The following LOXHD1 variants were observed in gnomAD, a reference collection of about 807,000 sequenced individuals.
LOXHD1 encodes lipoxygenase homology PLAT domains 1.
LOXHD1 carries 205 observed loss-of-function variants against 248.2 expected under a neutral mutation model. The observed-to-expected ratio is 0.83, with a 90% CI of 0.74 to 0.93. LOXHD1 has a LOEUF of 0.93. LOXHD1 is among the 40% of genes least tolerant of loss of function. The probability of loss-of-function intolerance (pLI) is 0.00; values close to 1 mark genes in which losing one functional copy is unlikely to be tolerated. For synonymous variants in LOXHD1, 1,113 were observed against 1,162.8 expected (o/e 0.96, Z 0.87); for missense variants, 2,930 against 2,971.6 (o/e 0.99, Z 0.33).
rs1229518773 is a variant in LOXHD1, at chr18:46,557,452, GC to G, written c.3253del (p.Ala1085ProfsTer2). The G allele has an allele frequency of 6.4e-7, 1 of 1,551,882 alleles. No individual in the cohort carries two copies. The highest frequency in any genetic ancestry group is 1.4e-5 in the African/African-American group (1 of 73,022). On this transcript the variant is annotated frameshift_variant, in exon 21 of 41. Coordinates refer to ENST00000642948, the MANE Select transcript of LOXHD1 (RefSeq NM_001384474.1). LOFTEE classifies it high-confidence loss of function. The stretch of plus-strand genomic sequence containing the variant: ...GTGGCGAATCCGAATCTTGGTCAGG[GC>G]CCCCAGGTCAATGGCATAGATGGTG... ...TFTIYAIDLG[A>X]LTKIRIRHDN...
intron 39 of LOXHD1, among the ~76,000 whole-genome samples, chr18:46,484,074 CAA>C (rs899884407): frequency 4.6e-5 from 7 of 152,020 alleles, no homozygotes; most frequent in African/African-American, 1.7e-4. Context: ...CATGTCTTAG[CAA>C]AGTCATAGGT....
At chr18:46,489,720 G>A (rs1396772792) in intron 37 of LOXHD1, among the ~76,000 whole-genome samples, 2 of 152,210 alleles carry the variant, frequency 1.3e-5, no homozygotes. Flanking sequence ...GCCACACACT[G>A]TCCACCTTGT....
chr18:46,647,518 G>T (rs529314176), intron 2 of LOXHD1, among the ~76,000 whole-genome samples: 1 of 152,210 alleles, frequency 6.6e-6, no homozygotes, highest in Non-Finnish European at 1.5e-5. Context: ...AGTGTTTGAG[G>T]CTTCTCCCTA....
In LOXHD1 at chr18:46,656,938, C is replaced by T. The variant is rs562474123; in HGVS notation, c.96G>A (p.Glu32=). The change falls in exon 1 of 41, where the codon GAG becomes GAA. Residue 32 remains glutamate (E), a synonymous_variant. Coordinates refer to ENST00000642948, the MANE Select transcript of LOXHD1 (RefSeq NM_001384474.1). ...TGTAGTACTCGTGTTCCAGCTCCCC[C>T]TCGTCGTCCTCCGAGGCGTAGTTCA... The part of the protein sequence containing the change: ...ELLNYASEDD[E]GELEHEYYKA... 3.2e-6 allele frequency: 5 copies of T among 1,551,630 alleles called. No homozygotes were observed. The African/African-American group carries it at 6.8e-5, about 21-fold the overall frequency.
chr18:46,639,472 T>C, intron 4 of LOXHD1, 144 bp downstream of exon 4: 1 of 980,286 alleles, frequency 1.0e-6, no homozygotes, highest in South Asian at 1.8e-5. Context: ...GGGCTTCCCC[T>C]TGGCCCTAAC....
At chr18:46,509,371 T>TG (rs939887469) in intron 35 of LOXHD1, among the ~76,000 whole-genome samples, 8 of 152,150 alleles carry the variant, frequency 5.3e-5, no homozygotes, top group African/African-American at 1.9e-4. Flanking sequence ...CCCCAGGCCT[T>TG]GCTCCTCCTC....
At chr18:46,621,053 G>A (rs1027438238) in intron 4 of LOXHD1, among the ~76,000 whole-genome samples, 3 of 152,154 alleles carry the variant, frequency 2.0e-5, no homozygotes, top group African/African-American at 7.2e-5. Flanking sequence ...GTGGACAAGG[G>A]ACCCAAGCCA....
chr18:46,555,483 G>A lies in LOXHD1; in HGVS notation c.3350+1873C>T, dbSNP rs546843339. 5.7e-5 allele frequency: 12 copies of A among 212,158 alleles called. No individual in the cohort carries two copies. In the East Asian group the frequency reaches 1.1e-3, roughly 20 times the overall value. The allele number at this position is 212,158 out of a possible 1,614,324, so 13.1% of individuals were successfully genotyped here. A position where few individuals can be genotyped will look rare whatever the true frequency, so the allele number is the denominator to read the frequency against. On this transcript the variant is annotated intron_variant, in intron 21 of 40. Transcript: ENST00000642948. ...GTTCAGTGTTCCCTCGGGCTGGTAG[G>A]GGAGGGTGGGGTGGGAGATGGGAGA...
intron 12 of LOXHD1, among the ~76,000 whole-genome samples, chr18:46,584,187 T>A (rs1253254778): frequency 6.6e-6 from 1 of 151,876 alleles, no homozygotes; most frequent in Non-Finnish European, 1.5e-5. Flanking sequence ...GGCAGGGAAT[T>A]GAATAATATT....
Position 46,524,446 on chromosome 18 carries a change from G to A in LOXHD1, c.4876+20C>T. ...TCCATGTGCCTGGCCCCCGTCCAAA[G>A]AGCTCCCTGGTTGGCTTACTTGGGC... On this transcript the variant is annotated intron_variant, in intron 31 of 40. Coordinates refer to ENST00000642948, the MANE Select transcript of LOXHD1 (RefSeq NM_001384474.1). 1 of 1,543,690 alleles carries A rather than the reference G, an allele frequency of 6.5e-7. No homozygotes were observed. Among genetic ancestry groups the A allele is most frequent in the Non-Finnish European group, 8.8e-7 (1 of 1,140,278 alleles).
At position 46,571,515 on chromosome 18, in the gene LOXHD1, G is replaced by A. The variant is rs548323195; in HGVS notation, c.2047+571C>T. Among the ~76,000 whole-genome samples the A allele has an allele frequency of 5.9e-5, 9 of 152,224 alleles. No individual in the cohort carries two copies. The East Asian group carries it at 1.5e-3, about 26-fold the overall frequency. On this transcript the variant is annotated intron_variant, in intron 15 of 40. Coordinates refer to ENST00000642948, the MANE Select transcript of LOXHD1 (RefSeq NM_001384474.1). ...AAATAAAAATATCTTCAGCTCTTCCGGTTCTAAGTTTCTCCATCTGACCCA... is the reference window on the plus strand; with the variant it reads ...AAATAAAAATATCTTCAGCTCTTCCAGTTCTAAGTTTCTCCATCTGACCCA...
At chr18:46,576,460 G>C (rs764301837) in intron 14 of LOXHD1, among the ~76,000 whole-genome samples, 2 of 151,894 alleles carry the variant, frequency 1.3e-5, no homozygotes, top group Non-Finnish European at 2.9e-5. Flanking sequence ...TCAGCCCCTT[G>C]CTCATGCCTC....
At chr18:46,623,671 G>A (rs973292904) in intron 4 of LOXHD1, among the ~76,000 whole-genome samples, 1 of 152,266 alleles carries the variant, frequency 6.6e-6, no homozygotes, top group Non-Finnish European at 1.5e-5. Flanking sequence ...TTGCCGGCTG[G>A]CCGGAAGCTG....
intron 3 of LOXHD1, 149 bp downstream of exon 3, chr18:46,641,807 T>A: frequency 3.8e-6 from 3 of 782,506 alleles, no homozygotes; most frequent in Non-Finnish European, 6.2e-6. Context: ...TAGGGCACTG[T>A]GATTCAGGAT....
intron 15 of LOXHD1, 122 bp from the exon 16 acceptor site, chr18:46,569,760 T>C (rs1568192360): frequency 1.2e-5 from 9 of 752,118 alleles, no homozygotes; most frequent in Non-Finnish European, 1.9e-5. Flanking sequence ...ACGCTGGGAA[T>C]TGAAAATCCA....
intron 18 of LOXHD1, 43 bp from the exon 19 acceptor site, chr18:46,560,588 C>T (rs2037504279): frequency 1.4e-6 from 2 of 1,475,226 alleles, no homozygotes; most frequent in African/African-American, 1.4e-5. Flanking sequence ...CCCCAGCGTC[C>T]TCCCCAACGC....
chr18:46,521,335 G>C, intron 32 of LOXHD1, 53 bp from the exon 33 acceptor site: 1 of 1,543,334 alleles, frequency 6.5e-7, no homozygotes, highest in Non-Finnish European at 8.8e-7. Context: ...TGGGAAGGAA[G>C]TGCTCCCTGC....
intron 5 of LOXHD1, among the ~76,000 whole-genome samples, chr18:46,615,686 A>G (rs903470240): frequency 6.6e-6 from 1 of 152,150 alleles, no homozygotes; most frequent in Non-Finnish European, 1.5e-5. Context: ...GCAGTAATCT[A>G]TATACTCCCT....
At chr18:46,539,732 TTTA>T (rs2036475090) in intron 25 of LOXHD1, among the ~76,000 whole-genome samples, 1 of 152,196 alleles carries the variant, frequency 6.6e-6, no homozygotes, top group South Asian at 2.1e-4. Flanking sequence ...TTGTGACATT[TTTA>T]TTTTTTGCAT....
Sources: gnomAD v4.1 joint callset for allele counts (sites outside exome capture counted in the v4.1 genomes callset) on GRCh38, gnomAD v4.1.1 for gene constraint, MANE v1.5 for transcripts, NCBI Gene and HGNC (gene_info 2026-07-23, HGNC 2026-07-21) for gene names.